Variants in DCAF5 observed in about 807,000 individuals in gnomAD.
DCAF5 encodes the protein DDB1- and CUL4-associated factor 5.
In DCAF5, 9 loss-of-function variants were observed where a neutral mutation model predicts 80.7. The ratio of observed to expected loss-of-function variants is 0.11; its 90% CI spans 0.07 to 0.19. DCAF5 has a LOEUF of 0.19. DCAF5 is among the 10% of genes least tolerant of loss of function. DCAF5 has a pLI of 1.00. For missense variants in DCAF5, 842 were observed against 1,205.7 expected, an observed-to-expected ratio of 0.70 and a Z score of 4.47; for synonymous variants, 433 against 461.9, an observed-to-expected ratio of 0.94 and a Z score of 0.80.
At chr14:69,063,125 G>A (rs2038290431) in intron 7 of DCAF5, among the ~76,000 whole-genome samples, 1 of 152,158 alleles carries the variant, frequency 6.6e-6, no homozygotes, top group Non-Finnish European at 1.5e-5. Context: ...TTCATAATAA[G>A]CAGGGTCCAA....
chr14:69,139,387 C>A lies in DCAF5; in HGVS notation c.214+13378G>T, dbSNP rs573076534. On this transcript the variant is annotated intron_variant, in intron 1 of 8. Transcript: ENST00000341516. Reference sequence around the variant, plus strand: ...GGTGTACATCACCTATGTGTCCTAGCTACTTGGGAGGCTGAGGCAGGAGGA... The same window carrying A: ...GGTGTACATCACCTATGTGTCCTAGATACTTGGGAGGCTGAGGCAGGAGGA... Among the ~76,000 whole-genome samples, 4 of 152,160 alleles carry A rather than the reference C, an allele frequency of 2.6e-5. No individual in the cohort carries two copies. In the South Asian group the frequency reaches 6.2e-4, roughly 24 times the overall value.
At chr14:69,059,140 G>T (rs2038101277) in intron 8 of DCAF5, among the ~76,000 whole-genome samples, 1 of 152,168 alleles carries the variant, frequency 6.6e-6, no homozygotes, top group Admixed American at 6.5e-5. Context: ...ATGCTGGAGT[G>T]CAGTGGCATG....
At chr14:69,058,617 G>C (rs1329341390) in intron 8 of DCAF5, among the ~76,000 whole-genome samples, 1 of 152,028 alleles carries the variant, frequency 6.6e-6, no homozygotes, top group Non-Finnish European at 1.5e-5. Flanking sequence ...GCTCACACCT[G>C]TAATCCCAGG....
At chr14:69,084,102 T>A (rs1291813165) in intron 6 of DCAF5, 1 of 804,888 alleles carries the variant, frequency 1.2e-6, no homozygotes, top group African/African-American at 1.7e-5. Flanking sequence ...GAACTCATTG[T>A]TAAGTTAAAT....
chr14:69,075,308 AG>A (rs762501112), intron 7 of DCAF5, 36 bp downstream of exon 7: 11 of 1,578,892 alleles, frequency 7.0e-6, no homozygotes, highest in Non-Finnish European at 9.5e-6. Flanking sequence ...CAACAGAGCC[AG>A]CAATAGCAGT....
At chr14:69,148,479 G>A (rs959863283) in intron 1 of DCAF5, among the ~76,000 whole-genome samples, 18 of 152,132 alleles carry the variant, frequency 1.2e-4, no homozygotes, top group African/African-American at 4.3e-4. Flanking sequence ...GGCAAATCAT[G>A]AGGTCAGGAG....
In DCAF5 at chr14:69,152,907, A is replaced by C; in HGVS notation, c.72T>G (p.His24Gln). The stretch of plus-strand genomic sequence containing the variant: ...AGTCCTGAGTGAGCAGGGGGTCCCC[A>C]TGCAAGCCCCGCTGGGACAAGAAGC... ...VVGFLSQRGLHGDPLLTQDFQ... is the reference protein window; with the variant it reads ...VVGFLSQRGLQGDPLLTQDFQ... The change falls in exon 1 of 9, where the codon CAT becomes CAG. Residue 24 changes from histidine to glutamine, a missense_variant. By Grantham distance (24) the His-to-Gln change is conservative. This residue lies in a region of DCAF5 where 28 missense variants were observed against 28.7 expected (regional missense o/e 0.98). Coordinates refer to ENST00000341516, the MANE Select transcript of DCAF5 (RefSeq NM_003861.3). This position sits in a 1 kb window ranked among gnomAD's most constrained non-coding sequence, Gnocchi z 4.1. 6.2e-7 allele frequency: 1 copy of C among 1,613,888 alleles called. No homozygotes were observed. Among genetic ancestry groups the C allele is most frequent in the African/African-American group, 1.3e-5 (1 of 75,016 alleles).
intron 1 of DCAF5, among the ~76,000 whole-genome samples, chr14:69,123,709 T>G (rs941067587): frequency 3.3e-5 from 5 of 152,172 alleles, no homozygotes; most frequent in African/African-American, 1.2e-4. Context: ...TCTTTTTTTT[T>G]GAGACGGAGT....
At chr14:69,116,309 T>C (rs895636244) in intron 5 of DCAF5, 57 bp downstream of exon 5, 3 of 1,576,796 alleles carry the variant, frequency 1.9e-6, no homozygotes, top group Non-Finnish European at 2.6e-6. Flanking sequence ...GCTGGTCACA[T>C]TACCTGAGAA....
rs1405145143 is a variant in DCAF5 at position 69,054,745 on chromosome 14, T to C, written c.1941A>G (p.Ala647=). ...TSTLEIQPSR[A]SPTSDIESVE... is the part of the protein sequence containing the mutation. ...CTGATTCTATGTCAGAAGTTGGTGA[T>C]GCCCGGCTTGGTTGAATCTCTAGCG... Residue 647 remains alanine (A), a synonymous_variant, in exon 9 of 9, where the codon GCA becomes GCG. Coordinates refer to ENST00000341516, the MANE Select transcript of DCAF5 (RefSeq NM_003861.3). 1 of 1,614,266 alleles carries C rather than the reference T, an allele frequency of 6.2e-7. No individual in the cohort carries two copies. Among genetic ancestry groups the C allele is most frequent in the Middle Eastern group, 1.6e-4 (1 of 6,062 alleles).
In DCAF5 at chr14:69,128,669, GA is replaced by G. The variant is rs567637358; in HGVS notation, c.215-6310del. ...TGTAGTCCCAGCTACTGGGGAGGATGAGGCAGGAGAATCACTTGAACCCTGG... is the reference window on the plus strand; with the variant it reads ...TGTAGTCCCAGCTACTGGGGAGGATGGGCAGGAGAATCACTTGAACCCTGG... On this transcript the variant is annotated intron_variant, in intron 1 of 8. Transcript: ENST00000341516. Among the ~76,000 whole-genome samples the G allele has an allele frequency of 2.2e-3, 332 of 152,332 alleles. 3 individuals are homozygous for G. The highest frequency in any genetic ancestry group is 7.5e-3 in the African/African-American group (310 of 41,572).
At chr14:69,100,122 A>G (rs2039898913) in intron 5 of DCAF5, among the ~76,000 whole-genome samples, 1 of 152,246 alleles carries the variant, frequency 6.6e-6, no homozygotes, top group Admixed American at 6.5e-5. Flanking sequence ...GATATACTAT[A>G]CATATTGATG....
rs17106717 is a variant in DCAF5 at position 69,055,729 on chromosome 14, G to C, written c.1075-118C>G. The C allele has an allele frequency of 3.8e-6, 4 of 1,058,370 alleles. No individual in the cohort carries two copies. The highest frequency in any genetic ancestry group is 5.5e-6 in the Non-Finnish European group (4 of 731,990). The allele number at this position is 1,058,370 out of a possible 1,614,324, so 65.6% of individuals were successfully genotyped here. ...CAGACTCTCCCTGTAATTTAACTAG[G>C]ACTTGCTAACCAACTTAAAAATAAG... On this transcript the variant is annotated intron_variant, in intron 8 of 8. Transcript: ENST00000341516. This position sits in a 1 kb window ranked among gnomAD's most constrained non-coding sequence, Gnocchi z 5.6.
At chr14:69,086,316 C>G (rs1225690034) in intron 6 of DCAF5, among the ~76,000 whole-genome samples, 3 of 152,076 alleles carry the variant, frequency 2.0e-5, no homozygotes, top group Admixed American at 2.0e-4. Flanking sequence ...CTAGATGGAG[C>G]CACTGCACTC....
rs1240514038 is a variant in DCAF5 at position 69,052,358 on chromosome 14, C to A, written c.*1499G>T. ...CCTGGGGCAGTGAGGCCACACTAGT[C>A]AGCGTTCGGCCCTCCCTACACCAAT... On this transcript the variant is annotated 3_prime_UTR_variant, in exon 9 of 9. Transcript: ENST00000341516. 1.3e-5 allele frequency: 2 copies of A among 152,704 alleles called. No individual in the cohort carries two copies. The highest frequency in any genetic ancestry group is 2.9e-5 in the Non-Finnish European group (2 of 68,048). The allele number at this position is 152,704 out of a possible 1,614,324, so 9.5% of individuals were successfully genotyped here. A position where few individuals can be genotyped will look rare whatever the true frequency, so the allele number is the denominator to read the frequency against.
At chr14:69,135,408 C>T (rs528996007) in intron 1 of DCAF5, among the ~76,000 whole-genome samples, 1 of 152,316 alleles carries the variant, frequency 6.6e-6, no homozygotes, top group South Asian at 2.1e-4. Context: ...CATCTAAATA[C>T]TCTGTATGAC....
intron 1 of DCAF5, among the ~76,000 whole-genome samples, chr14:69,147,138 CA>C (rs1183352851): frequency 6.6e-6 from 1 of 152,168 alleles, no homozygotes; most frequent in Non-Finnish European, 1.5e-5. Flanking sequence ...TTAATAGGTT[CA>C]AATTAAGCAT....
chr14:69,146,727 T>G (rs980796029), intron 1 of DCAF5, among the ~76,000 whole-genome samples: 4 of 152,236 alleles, frequency 2.6e-5, no homozygotes, highest in Non-Finnish European at 4.4e-5. Flanking sequence ...AGCTCCTGTT[T>G]TACAAACAGT....
intron 8 of DCAF5, among the ~76,000 whole-genome samples, chr14:69,056,313 A>G (rs764615084): frequency 6.6e-6 from 1 of 152,172 alleles, no homozygotes; most frequent in Non-Finnish European, 1.5e-5. Context: ...CTATAGGAGT[A>G]GGTAGGACAC....
Sources: allele counts gnomAD v4.1 joint callset (sites outside exome capture counted in the v4.1 genomes callset), GRCh38; gene constraint gnomAD v4.1.1; regional missense constraint gnomAD v4.1.1; non-coding constraint Gnocchi (gnomAD v3.1); transcripts MANE v1.5; gene names NCBI Gene and HGNC (gene_info 2026-07-23, HGNC 2026-07-21).